Variants in STK17A observed in about 807,000 individuals in gnomAD.
The protein encoded by STK17A is serine/threonine-protein kinase 17A.
A neutral mutation model predicts 43.7 loss-of-function variants in STK17A; 26 were observed. The observed-to-expected ratio is 0.60, with a 90% confidence interval of 0.44 to 0.83. The LOEUF (loss-of-function observed/expected upper bound fraction) is 0.83, where lower values mean the gene tolerates loss of function less well. Among genes scored for constraint, STK17A ranks in the 40% least tolerant of loss-of-function variants. The pLI is 0.00. For synonymous variants in STK17A, 191 were observed against 182.5 expected (o/e 1.05, Z -0.38); for missense variants, 476 against 511.6 (o/e 0.93, Z 0.67).
chr7:43,603,517 G>T (rs946853112), intron 2 of STK17A, among the ~76,000 whole-genome samples: 1 of 152,164 alleles, frequency 6.6e-6, no homozygotes, highest in Admixed American at 6.6e-5. Flanking sequence ...TAGATATGGA[G>T]GTTGAACATT....
intron 4 of STK17A, chr7:43,622,702 TTTG>T (rs1461521680): frequency 9.4e-5 from 5 of 53,236 alleles, no homozygotes; most frequent in African/African-American, 1.8e-4. Context: ...GTTTTTTGTT[TTTG>T]TTTTTTTTTT....
intron 3 of STK17A, chr7:43,608,676 G>T: frequency 8.0e-6 from 2 of 248,516 alleles, no homozygotes; most frequent in South Asian, 1.3e-4. Context: ...TGAAAAGTTA[G>T]GATTTAGATA....
chr7:43,600,835 C>G (rs1454436970), intron 2 of STK17A, among the ~76,000 whole-genome samples: 2 of 152,218 alleles, frequency 1.3e-5, no homozygotes, highest in Non-Finnish European at 2.9e-5. Context: ...CTGCCTCAGC[C>G]TCCCAAAATG....
intron 2 of STK17A, among the ~76,000 whole-genome samples, chr7:43,604,341 A>G (rs2082575142): frequency 6.6e-6 from 1 of 152,120 alleles, no homozygotes; most frequent in African/African-American, 2.4e-5. Context: ...GAGGTTAGGG[A>G]GTGCTTCCTG....
intron 1 of STK17A, among the ~76,000 whole-genome samples, chr7:43,586,192 T>C (rs1213859833): frequency 6.6e-6 from 1 of 151,536 alleles, no homozygotes; most frequent in Non-Finnish European, 1.5e-5. Flanking sequence ...TTTTTTTCAT[T>C]TTATTCTATG....
intron 2 of STK17A, among the ~76,000 whole-genome samples, chr7:43,607,565 A>G (rs1457297339): frequency 1.4e-5 from 2 of 144,772 alleles, no homozygotes; most frequent in Non-Finnish European, 3.0e-5. Flanking sequence ...AGGAGAATCG[A>G]TTGAACCCAG....
rs536075579 is a variant in STK17A, at chr7:43,602,216, C to T, written c.420-6040C>T. On this transcript the variant is annotated intron_variant, in intron 2 of 6. Coordinates refer to ENST00000319357, the MANE Select transcript of STK17A (RefSeq NM_004760.3). ...AGTTATGTAACCTCTTCTAGAGTTT[C>T]AGTCCCTCCTCCCGTGGTGGTTCTT... is the stretch of plus-strand genomic sequence containing the variant. Among the ~76,000 whole-genome samples, 77 of 152,158 alleles carry T rather than the reference C, an allele frequency of 5.1e-4. 1 individual carries two copies. Among genetic ancestry groups the T allele is most frequent in the Admixed American group, 2.4e-3 (37 of 15,292 alleles).
intron 3 of STK17A, among the ~76,000 whole-genome samples, chr7:43,615,475 C>T (rs2083262233): frequency 6.7e-6 from 1 of 150,136 alleles, no homozygotes; most frequent in Non-Finnish European, 1.5e-5. Context: ...CTGCGCCCAG[C>T]CCTTTTGTTG....
Position 43,623,782 on chromosome 7 carries a change from T to C in STK17A, c.814T>C (p.Phe272Leu), listed in dbSNP as rs1339648808. The change falls in exon 6 of 7, where the codon TTC (phenylalanine) becomes CTC (leucine). Residue 272 changes from phenylalanine (F) to leucine (L), a missense_variant. By Grantham distance (22) the Phe-to-Leu change is conservative. This residue lies in a region of STK17A where 46 missense variants were observed against 81.6 expected (regional missense o/e 0.56). Transcript: ENST00000319357. ...PFLGNDKQET[F>L]LNISQMNLSY... ...CTTAGGCAATGATAAACAAGAAACA[T>C]TCTTAAACATCTCACAGATGAATTT... The C allele has an allele frequency of 6.2e-7, 1 of 1,609,412 alleles. No individual in the cohort carries two copies.
chr7:43,597,882 G>A lies in STK17A; in HGVS notation c.419+1769G>A, dbSNP rs568840821. ...CAAGGCTACAGTGAGCCGAGATAGT[G>A]CCACTGCACTCCAGCCTGGGTGACA... On this transcript the variant is annotated intron_variant, in intron 2 of 6. Coordinates refer to ENST00000319357, the MANE Select transcript of STK17A (RefSeq NM_004760.3). Among the ~76,000 whole-genome samples the A allele has an allele frequency of 2.6e-3, 399 of 152,186 alleles. 5 individuals carry two copies. The highest frequency in any genetic ancestry group is 0.024 in the Admixed American group (370 of 15,288).
At chr7:43,585,663 G>A (rs1392436434) in intron 1 of STK17A, among the ~76,000 whole-genome samples, 1 of 151,604 alleles carries the variant, frequency 6.6e-6, no homozygotes, top group Non-Finnish European at 1.5e-5. Context: ...GAGTCAGACA[G>A]TGTGAGATTG....
At chr7:43,614,531 GC>G (rs1431853258) in intron 3 of STK17A, among the ~76,000 whole-genome samples, 2 of 152,168 alleles carry the variant, frequency 1.3e-5, no homozygotes, top group Non-Finnish European at 2.9e-5. Context: ...AACTAACAGA[GC>G]TTATAGTCCT....
chr7:43,592,687 TAAA>T (rs34551277), intron 1 of STK17A, among the ~76,000 whole-genome samples: 13 of 109,490 alleles, frequency 1.2e-4, no homozygotes, highest in Non-Finnish European at 1.7e-4. Context: ...CCATCTGTAC[TAAA>T]AAAAAAAAAA....
At chr7:43,621,610 GGCACGT>G (rs1367787748) in intron 4 of STK17A, among the ~76,000 whole-genome samples, 1 of 152,114 alleles carries the variant, frequency 6.6e-6, no homozygotes, top group Non-Finnish European at 1.5e-5. Flanking sequence ...TGGGACCACA[GGCACGT>G]GCCAGCACAG....
chr7:43,619,529 A>G, intron 3 of STK17A, 68 bp from the exon 4 acceptor site: 1 of 1,552,276 alleles, frequency 6.4e-7, no homozygotes, highest in Non-Finnish European at 8.7e-7. Flanking sequence ...AATATGTTTT[A>G]TGGGCTGCAT....
chr7:43,612,315 T>C (rs540340637), intron 3 of STK17A, among the ~76,000 whole-genome samples: 8 of 152,244 alleles, frequency 5.3e-5, no homozygotes, highest in African/African-American at 1.9e-4. Context: ...AGAGATGGGG[T>C]TGGTATGGCA....
At chr7:43,609,970 C>T (rs10282258) in intron 3 of STK17A, among the ~76,000 whole-genome samples, 3 of 152,306 alleles carry the variant, frequency 2.0e-5, no homozygotes, top group Admixed American at 2.0e-4. Context: ...ATACAAATTG[C>T]TAGGCCACAA....
At chr7:43,618,328 C>G (rs9655446) in intron 3 of STK17A, among the ~76,000 whole-genome samples, 29,115 of 152,014 alleles carry the variant, frequency 0.19, 3,011 homozygotes, top group East Asian at 0.31. Flanking sequence ...ATCTGTCAGG[C>G]AGAAAAGGGG....
intron 3 of STK17A, chr7:43,609,600 T>C (rs2082677407): frequency 6.6e-6 from 1 of 152,272 alleles, no homozygotes; most frequent in South Asian, 2.1e-4. Context: ...AAGATCTCTG[T>C]TGATTTTCTG....
Sources: gnomAD v4.1 joint callset for allele counts (sites outside exome capture counted in the v4.1 genomes callset) on GRCh38, gnomAD v4.1.1 for gene constraint, gnomAD v4.1.1 regional missense constraint, MANE v1.5 for transcripts, NCBI Gene and HGNC (gene_info 2026-07-23, HGNC 2026-07-21) for gene names.